The following KLHL4 variants were observed in gnomAD, a reference collection of about 807,000 sequenced individuals.
The protein encoded by KLHL4 is kelch-like protein 4.
In KLHL4, 17 loss-of-function variants were observed where a neutral mutation model predicts 45.8. That is an observed-to-expected ratio of 0.37 (90% CI 0.25 to 0.56). The LOEUF (loss-of-function observed/expected upper bound fraction) is 0.56. Ranked by LOEUF, KLHL4 falls within the 20% of genes least tolerant of loss-of-function variation. The pLI is 0.79. For synonymous variants in KLHL4, 224 were observed against 189.9 expected (o/e 1.18, Z -1.47); for missense variants, 544 against 544.9 (o/e 1.00, Z 0.02).
chrX:87,648,300 T>G (rs750983779), intron 9 of KLHL4, among the ~76,000 whole-genome samples: 1 of 111,434 alleles, frequency 9.0e-6, no homozygotes, highest in Admixed American at 9.6e-5. Context: ...CAAGGAAAAT[T>G]TATAGAATGG....
rs1924474961 is a variant in KLHL4 at position 87,669,012 on chromosome X, A to G, written c.*2478A>G. The G allele has an allele frequency of 1.2e-6, 1 of 816,613 alleles. No homozygotes were observed. The highest frequency in any genetic ancestry group is 2.2e-5 in the African/African-American group (1 of 45,450). The allele number at this position is 816,613 out of a possible 1,213,427, so 67.3% of individuals were successfully genotyped here. ...ACCTGCAGAGGCCCAGGGCACTCAA[A>G]CATAACTGTGCTTGTCTCAGTCAAA... On this transcript the variant is annotated 3_prime_UTR_variant, in exon 11 of 11. Coordinates refer to ENST00000373119, the MANE Select transcript of KLHL4 (RefSeq NM_019117.5).
At chrX:87,645,048 G>C (rs985655142) in intron 9 of KLHL4, among the ~76,000 whole-genome samples, 4 of 111,597 alleles carry the variant, frequency 3.6e-5, no homozygotes, top group African/African-American at 3.3e-5. Context: ...AGCTAAATAG[G>C]TGGGACCTAA....
chrX:87,641,207 C>T (rs1375273731), intron 9 of KLHL4, among the ~76,000 whole-genome samples: 1 of 111,795 alleles, frequency 8.9e-6, no homozygotes, highest in Non-Finnish European at 1.9e-5. Context: ...CAGGAGACAC[C>T]CCAAGTTCTG....
At chrX:87,564,111 G>A (rs1156777758) in intron 1 of KLHL4, among the ~76,000 whole-genome samples, 2 of 111,084 alleles carry the variant, frequency 1.8e-5, no homozygotes, top group Non-Finnish European at 1.9e-5. Context: ...GGGTACAAAA[G>A]TCACTGGTAA....
chrX:87,648,871 A>G (rs1417292724), intron 9 of KLHL4, among the ~76,000 whole-genome samples: 3 of 111,116 alleles, frequency 2.7e-5, no homozygotes, highest in Non-Finnish European at 5.7e-5. Context: ...AACATGGTCA[A>G]TCACTGCCTC....
At chrX:87,631,121 A>G (rs1923082166) in intron 6 of KLHL4, among the ~76,000 whole-genome samples, 1 of 111,526 alleles carries the variant, frequency 9.0e-6, no homozygotes. Flanking sequence ...AATCTCTGGC[A>G]GCCCCCACAC....
At chrX:87,609,623 G>T (rs1262930687) in intron 1 of KLHL4, among the ~76,000 whole-genome samples, 2 of 110,844 alleles carry the variant, frequency 1.8e-5, no homozygotes, top group African/African-American at 3.3e-5. Flanking sequence ...TTTTTTTCTT[G>T]TAAATTTGTT....
intron 1 of KLHL4, among the ~76,000 whole-genome samples, chrX:87,524,011 A>C (rs888119557): frequency 9.0e-6 from 1 of 111,566 alleles, no homozygotes; most frequent in Non-Finnish European, 1.9e-5. Context: ...GAAAAAAGAC[A>C]ATTTTTTTGT....
intron 1 of KLHL4, among the ~76,000 whole-genome samples, chrX:87,592,138 C>T (rs761772458): frequency 3.6e-5 from 4 of 111,361 alleles, no homozygotes; most frequent in Non-Finnish European, 5.7e-5. Context: ...TGGCTTAATT[C>T]ACTTAACATA....
intron 1 of KLHL4, among the ~76,000 whole-genome samples, chrX:87,554,962 T>C (rs1437312534): frequency 9.4e-6 from 1 of 106,591 alleles, no homozygotes; most frequent in Non-Finnish European, 1.9e-5. Flanking sequence ...CTTTTCTGCA[T>C]CTATTGAGAT....
intron 9 of KLHL4, among the ~76,000 whole-genome samples, chrX:87,649,991 T>A (rs1923756915): frequency 9.0e-6 from 1 of 111,301 alleles, no homozygotes; most frequent in Admixed American, 9.6e-5. Context: ...TTTTGCTACT[T>A]TGGGTCTCTT....
intron 1 of KLHL4, among the ~76,000 whole-genome samples, chrX:87,608,680 T>C (rs771744715): frequency 9.0e-6 from 1 of 111,332 alleles, no homozygotes; most frequent in South Asian, 3.8e-4. Context: ...AAGGGGAACA[T>C]GCATGTCACA....
chrX:87,546,668 GA>G (rs1330455927), intron 1 of KLHL4, among the ~76,000 whole-genome samples: 1 of 112,256 alleles, frequency 8.9e-6, no homozygotes, highest in African/African-American at 3.2e-5. Context: ...CATGTACCTG[GA>G]AAAGCCACAG....
intron 1 of KLHL4, among the ~76,000 whole-genome samples, chrX:87,527,386 T>C (rs2147762989): frequency 9.0e-6 from 1 of 111,501 alleles, no homozygotes; most frequent in East Asian, 2.9e-4. Flanking sequence ...TCATCATCAT[T>C]CTATCACATT....
chrX:87,617,992 A>T lies in KLHL4; in HGVS notation c.788A>T (p.Gln263Leu). The T allele has an allele frequency of 1.7e-6, 2 of 1,211,204 alleles. No homozygotes were observed. Among genetic ancestry groups the T allele is most frequent in the Non-Finnish European group, 2.2e-6 (2 of 894,985 alleles). Residue 263 changes from glutamine (Q) to leucine (L), a missense_variant, in exon 4 of 11, where the codon CAG (glutamine) becomes CTG (leucine). Gln to Leu is a moderately radical substitution (Grantham distance 113). Transcript: ENST00000373119. ...ESLLAAACLL[Q>L]LTQVIDVCSN... Reference sequence around the variant, plus strand: ...TTGCTGGCTGCAGCTTGTCTTCTGCAGCTGACTCAGGTCATTGATGTTTGC... The same window carrying T: ...TTGCTGGCTGCAGCTTGTCTTCTGCTGCTGACTCAGGTCATTGATGTTTGC...
chrX:87,520,223 G>A (rs759728849), intron 1 of KLHL4, among the ~76,000 whole-genome samples: 169 of 112,382 alleles, frequency 1.5e-3, no homozygotes, highest in South Asian at 8.0e-3. Flanking sequence ...TTGAGAAGGA[G>A]CTTTCTGATG....
intron 3 of KLHL4, among the ~76,000 whole-genome samples, 182 bp from the exon 4 acceptor site, chrX:87,617,750 C>T (rs964470488): frequency 2.7e-5 from 3 of 111,466 alleles, no homozygotes; most frequent in African/African-American, 9.8e-5. Context: ...TGGTTCATTT[C>T]AGCCATCTTA....
intron 9 of KLHL4, among the ~76,000 whole-genome samples, chrX:87,653,637 C>T (rs1426257727): frequency 1.8e-5 from 2 of 111,275 alleles, no homozygotes; most frequent in Admixed American, 9.5e-5. Flanking sequence ...GGGTATATAC[C>T]CAAAGACATA....
chrX:87,651,470 C>T (rs1261256728), intron 9 of KLHL4, among the ~76,000 whole-genome samples: 1 of 112,476 alleles, frequency 8.9e-6, no homozygotes, highest in Non-Finnish European at 1.9e-5. Context: ...AAATCAAAAG[C>T]AAGTTAGTTA....
Sources: allele counts gnomAD v4.1 joint callset (sites outside exome capture counted in the v4.1 genomes callset), GRCh38; gene constraint gnomAD v4.1.1; transcripts MANE v1.5; gene names NCBI Gene and HGNC (gene_info 2026-07-23, HGNC 2026-07-21).